Variants in SLC67A2 observed in about 807,000 individuals in gnomAD.
SLC67A2 encodes the protein solute carrier family 67 member A2.
chr2:102,732,807 G>A, the SLC67A2 span, among the ~76,000 whole-genome samples: 1 of 152,188 alleles, frequency 6.6e-6, no homozygotes, highest in African/African-American at 2.4e-5. Context: ...TAGTTTATAA[G>A]CTTATAAAAT....
the SLC67A2 span, chr2:102,718,289 C>A: frequency 3.6e-6 from 4 of 1,099,130 alleles, no homozygotes; most frequent in South Asian, 1.5e-5. Flanking sequence ...GACCTGGAAG[C>A]CCAACAGCTC....
At chr2:102,736,541 C>T in the SLC67A2 span, 1 of 1,605,550 alleles carries the variant, frequency 6.2e-7, no homozygotes, top group South Asian at 1.1e-5. Flanking sequence ...AGGCGGACTG[C>T]GGGTTCCCAC....
chr2:102,735,846 G>GCACACACACACACACACACA, the SLC67A2 span, among the ~76,000 whole-genome samples: 1 of 149,594 alleles, frequency 6.7e-6, no homozygotes, highest in Non-Finnish European at 1.5e-5. Flanking sequence ...ACGCGCGCGC[G>GCACACACACACACACACACA]CACACACACA....
At chr2:102,718,607 C>A in the SLC67A2 span, 2 of 1,613,454 alleles carry the variant, frequency 1.2e-6, no homozygotes, top group African/African-American at 2.7e-5. Context: ...CTGCCCCACG[C>A]CAATAAGGGT....
the SLC67A2 span, chr2:102,731,939 G>A: frequency 2.2e-5 from 7 of 313,392 alleles, no homozygotes; most frequent in South Asian, 1.3e-4. Context: ...CCTTTCCCAC[G>A]AGATGTGATT....
the SLC67A2 span, chr2:102,723,922 G>T: frequency 1.9e-6 from 3 of 1,606,088 alleles, no homozygotes; most frequent in South Asian, 2.2e-5. Context: ...GCAAGGGGAT[G>T]AGAAACATGC....
the SLC67A2 span, chr2:102,723,644 A>T: frequency 6.7e-7 from 1 of 1,490,098 alleles, no homozygotes; most frequent in Non-Finnish European, 9.3e-7. Context: ...AGAGAAAAGT[A>T]GGTAAATTGG....
At chr2:102,736,534 C>T in the SLC67A2 span, 2 of 1,602,378 alleles carry the variant, frequency 1.2e-6, no homozygotes, top group Non-Finnish European at 1.7e-6. Context: ...ACTCACCAGG[C>T]GGACTGCGGG....
chr2:102,731,684 A>G, the SLC67A2 span, among the ~76,000 whole-genome samples: 1 of 152,314 alleles, frequency 6.6e-6, no homozygotes, highest in East Asian at 1.9e-4. Context: ...TTTAACAAAT[A>G]TTATGTACAA....
the SLC67A2 span, among the ~76,000 whole-genome samples, chr2:102,714,682 T>G: frequency 1.3e-5 from 2 of 152,098 alleles, no homozygotes; most frequent in African/African-American, 4.8e-5. Flanking sequence ...ACTGGCAAAT[T>G]CAAGAAAAAA....
chr2:102,719,580 C>T, the SLC67A2 span, among the ~76,000 whole-genome samples: 5 of 152,316 alleles, frequency 3.3e-5, no homozygotes, highest in Middle Eastern at 3.4e-3. Flanking sequence ...TGTCTGTCCA[C>T]GTAACATCCA....
the SLC67A2 span, chr2:102,716,039 A>C: frequency 6.6e-6 from 1 of 152,208 alleles, no homozygotes; most frequent in Non-Finnish European, 1.5e-5. Context: ...TCTCTGGGTC[A>C]CACTTTAAAG....
the SLC67A2 span, chr2:102,715,838 A>C: frequency 6.6e-6 from 1 of 152,196 alleles, no homozygotes; most frequent in Non-Finnish European, 1.5e-5. Flanking sequence ...AAACACCACA[A>C]ATGTCAATTG....
At chr2:102,728,807 GAAT>G in the SLC67A2 span, among the ~76,000 whole-genome samples, 1 of 152,028 alleles carries the variant, frequency 6.6e-6, no homozygotes. Context: ...TGTAAAACAA[GAAT>G]AATATCTGCC....
the SLC67A2 span, among the ~76,000 whole-genome samples, chr2:102,735,846 G>GCGCGCACACACA: frequency 6.7e-6 from 1 of 149,594 alleles, no homozygotes; most frequent in East Asian, 2.0e-4. Context: ...ACGCGCGCGC[G>GCGCGCACACACA]CACACACACA....
At chr2:102,726,880 T>C in the SLC67A2 span, 57 of 1,604,146 alleles carry the variant, frequency 3.6e-5, no homozygotes, top group African/African-American at 5.5e-4. Context: ...CAGAAACACA[T>C]TGGTGGCTGC....
the SLC67A2 span, among the ~76,000 whole-genome samples, chr2:102,725,173 G>T: frequency 6.6e-6 from 1 of 152,138 alleles, no homozygotes; most frequent in Non-Finnish European, 1.5e-5. Context: ...GCACTGACTT[G>T]AAGTCAGTGG....
chr2:102,715,079 G>T, the SLC67A2 span, among the ~76,000 whole-genome samples: 1 of 152,256 alleles, frequency 6.6e-6, no homozygotes, highest in African/African-American at 2.4e-5. Context: ...ACCTCTGCCT[G>T]CTGTCCCTGT....
the SLC67A2 span, among the ~76,000 whole-genome samples, chr2:102,735,793 C>T: frequency 3.3e-5 from 5 of 152,082 alleles, no homozygotes; most frequent in Non-Finnish European, 5.9e-5. Context: ...ACTAAACTTT[C>T]CATTCTACGT....
Sources: allele counts gnomAD v4.1 joint callset (sites outside exome capture counted in the v4.1 genomes callset), GRCh38; gene constraint gnomAD v4.1.1; transcripts MANE v1.5; gene names NCBI Gene and HGNC (gene_info 2026-07-23, HGNC 2026-07-21).